MGAM2: variants seen among roughly 807,000 people sequenced by gnomAD.
The protein encoded by MGAM2 is maltase-glucoamylase 2 (putative).
In MGAM2, 98 loss-of-function variants were observed where a neutral mutation model predicts 96.1. That is an observed-to-expected ratio of 1.02 (90% CI 0.87 to 1.21). The LOEUF (loss-of-function observed/expected upper bound fraction) is 1.21. MGAM2 is among the 50% of genes most tolerant of loss of function. MGAM2 has a pLI of 0.00. For synonymous variants in MGAM2, 749 were observed against 414.8 expected, an observed-to-expected ratio of 1.81 and a Z score of -9.79; for missense variants, 2,055 against 1,182.4, an observed-to-expected ratio of 1.74 and a Z score of -10.82.
At chr7:142,198,014 C>T in intron 42 of MGAM2, 125 bp from the exon 43 acceptor site, 1 of 590,808 alleles carries the variant, frequency 1.7e-6, no homozygotes, top group East Asian at 2.8e-5. Flanking sequence ...TTAATAAAAT[C>T]CCTCAAATTA....
chr7:142,188,418 C>G lies in MGAM2; in HGVS notation c.4207+584C>G, dbSNP rs1187715124. Among the ~76,000 whole-genome samples the G allele has an allele frequency of 3.9e-5, 6 of 152,068 alleles. No homozygotes were observed. In the South Asian group the frequency reaches 8.3e-4, roughly 21 times the overall value. Reference sequence around the variant, plus strand: ...CCAGGAGTTTGAGTCTTGAGACCAGCCTGGGCAACATAGTGAGACCCATAA... The same window carrying G: ...CCAGGAGTTTGAGTCTTGAGACCAGGCTGGGCAACATAGTGAGACCCATAA... On this transcript the variant is annotated intron_variant, in intron 36 of 47. Transcript: ENST00000477922.
intron 15 of MGAM2, among the ~76,000 whole-genome samples, chr7:142,149,487 A>C (rs57973077): frequency 0.92 from 140,756 of 152,250 alleles, 66,055 homozygotes; most frequent in East Asian, 1. Context: ...TGAGATGTTT[A>C]CCTAATTTTT....
At chr7:142,202,418 G>A (rs1797267384) in intron 45 of MGAM2, among the ~76,000 whole-genome samples, 2 of 152,128 alleles carry the variant, frequency 1.3e-5, no homozygotes, top group Non-Finnish European at 2.9e-5. Flanking sequence ...CGTCACCCAG[G>A]CAGTGAGCAT....
chr7:142,149,572 G>A lies in MGAM2; in HGVS notation c.1634+1999G>A, dbSNP rs145674868. Among the ~76,000 whole-genome samples the A allele has an allele frequency of 2.2e-3, 335 of 151,174 alleles. 4 individuals are homozygous for A. In the South Asian group the frequency reaches 0.048, roughly 22 times the overall value. On this transcript the variant is annotated intron_variant, in intron 15 of 47. Transcript: ENST00000477922. Reference sequence around the variant, plus strand: ...TGTTTTTTTTTTGAGACGGAGTCTCGCTCTGTCGCCCAGGCTGGAGTGCAG... The same window carrying A: ...TGTTTTTTTTTTGAGACGGAGTCTCACTCTGTCGCCCAGGCTGGAGTGCAG...
intron 21 of MGAM2, 128 bp downstream of exon 21, chr7:142,160,386 C>T (rs1252249891): frequency 1.8e-6 from 1 of 562,954 alleles, no homozygotes; most frequent in African/African-American, 1.9e-5. Context: ...AATCTTCCCC[C>T]ACTCCTTTCA....
At chr7:142,201,075 T>TTTTC (rs1563291876) in intron 45 of MGAM2, among the ~76,000 whole-genome samples, 1 of 120,326 alleles carries the variant, frequency 8.3e-6, no homozygotes, top group African/African-American at 3.5e-5. Context: ...CTTTTTCTTT[T>TTTTC]TTTTTTCTTT....
rs1449921221 is a variant in MGAM2 at position 142,158,261 on chromosome 7, T to G, written c.2092T>G (p.Ser698Ala). ...CCTCTTTACTAGGTTCTACCAGGAC[T>G]CAGCCACGTGGGATGTGCATGAGCA... is the stretch of plus-strand genomic sequence containing the variant. The part of the protein sequence containing the change: ...RPLVHEFYQD[S>A]ATWDVHEQFL... Residue 698 changes from serine (S) to alanine (A), a missense_variant, in exon 19 of 48, where the codon TCA (serine) becomes GCA (alanine). Physicochemically the swap from Ser to Ala is moderately conservative, Grantham distance 99. Coordinates refer to ENST00000477922, the MANE Select transcript of MGAM2 (RefSeq NM_001293626.2). 1 of 702,886 alleles carries G rather than the reference T, an allele frequency of 1.4e-6. No homozygotes were observed. The highest frequency in any genetic ancestry group is 2.6e-6 in the Non-Finnish European group (1 of 385,008). The allele number at this position is 702,886 out of a possible 1,614,324, so 43.5% of individuals were successfully genotyped here.
Position 142,120,342 on chromosome 7 carries a change from G to A in MGAM2, c.147G>A (p.Ser49=), listed in dbSNP as rs1017339964. ...CAGAGTGCCCAGAGATTCCCCAGTCGGAAAGGATAGACTGCACACCTGACC... is the reference window on the plus strand; with the variant it reads ...CAGAGTGCCCAGAGATTCCCCAGTCAGAAAGGATAGACTGCACACCTGACC... ...FTPECPEIPQ[S]ERIDCTPDQE... Residue 49 remains serine (S), a synonymous_variant, in exon 3 of 48, where the codon TCG becomes TCA. Transcript: ENST00000477922. 3.0e-5 allele frequency: 21 copies of A among 703,036 alleles called. No individual in the cohort carries two copies. The highest frequency in any genetic ancestry group is 2.1e-4 in the African/African-American group (12 of 57,324). 43.5% of individuals were successfully genotyped at this position (703,036 alleles called of 1,614,324 possible). A position where few individuals can be genotyped will look rare whatever the true frequency, so the allele number is the denominator to read the frequency against.
intron 45 of MGAM2, among the ~76,000 whole-genome samples, chr7:142,207,436 A>AT (rs1003864873): frequency 4.0e-5 from 6 of 151,680 alleles, no homozygotes; most frequent in African/African-American, 1.5e-4. Flanking sequence ...ATTTTTATTT[A>AT]TTTTTTTGAG....
chr7:142,120,917 T>C (rs971130109), intron 3 of MGAM2, among the ~76,000 whole-genome samples: 1 of 152,200 alleles, frequency 6.6e-6, no homozygotes, highest in East Asian at 1.9e-4. Context: ...CAGAGTAGCT[T>C]CCATAAAATA....
chr7:142,201,595 G>T (rs745552163), intron 45 of MGAM2, among the ~76,000 whole-genome samples: 17 of 152,136 alleles, frequency 1.1e-4, no homozygotes, highest in Non-Finnish European at 1.8e-4. Context: ...AACCCTGAAA[G>T]TTCGCCTTTT....
intron 14 of MGAM2, among the ~76,000 whole-genome samples, chr7:142,145,724 AGACCTTT>A (rs937679496): frequency 1.5e-4 from 23 of 152,154 alleles, no homozygotes; most frequent in African/African-American, 5.6e-4. Flanking sequence ...ATCTCCTCAG[AGACCTTT>A]GTTTCTGGCT....
At position 142,161,937 on chromosome 7, in the gene MGAM2, C is replaced by T. The variant is rs1052611580; in HGVS notation, c.2435-18C>T. The T allele has an allele frequency of 1.5e-5, 10 of 687,776 alleles. No homozygotes were observed. The highest frequency in any genetic ancestry group is 2.4e-5 in the Non-Finnish European group (9 of 379,352). 42.6% of individuals were successfully genotyped at this position (687,776 alleles called of 1,614,324 possible). A position where few individuals can be genotyped will look rare whatever the true frequency, so the allele number is the denominator to read the frequency against. On this transcript the variant is annotated intron_variant, in intron 22 of 47. Transcript: ENST00000477922. ...GATTGGCTTCCCATAGTAACCGGTACTCCTCTTTCTTTTTTAGATGCTGTG... is the reference window on the plus strand; with the variant it reads ...GATTGGCTTCCCATAGTAACCGGTATTCCTCTTTCTTTTTTAGATGCTGTG...
At chr7:142,119,019 G>C (rs1303325277) in intron 2 of MGAM2, among the ~76,000 whole-genome samples, 1 of 152,082 alleles carries the variant, frequency 6.6e-6, no homozygotes, top group Non-Finnish European at 1.5e-5. Flanking sequence ...AAAACTTTGT[G>C]CTTTGAAGCA....
intron 6 of MGAM2, among the ~76,000 whole-genome samples, chr7:142,133,042 G>T (rs1794947775): frequency 3.1e-5 from 4 of 127,676 alleles, no homozygotes; most frequent in East Asian, 2.3e-4. Flanking sequence ...ATTATATTTA[G>T]TTTTAATTTA....
At chr7:142,147,650 T>A in intron 15 of MGAM2, 77 bp downstream of exon 15, 2 of 597,950 alleles carry the variant, frequency 3.3e-6, no homozygotes, top group South Asian at 4.2e-5. Context: ...TTCTGTTCTA[T>A]ATGTAATATA....
rs533877725 is a variant in MGAM2, at chr7:142,141,826, T to C, written c.1317+707T>C. On this transcript the variant is annotated intron_variant, in intron 12 of 47. Transcript: ENST00000477922. ...ATATTTTAAATTTACACAAGACTTA[T>C]AGATAGAGCATAGTTTTGATTCTGA... Among the ~76,000 whole-genome samples the C allele has an allele frequency of 3.9e-5, 6 of 152,258 alleles. No homozygotes were observed. In the East Asian group the frequency reaches 9.6e-4, roughly 24 times the overall value.
At chr7:142,200,587 G>A (rs903274168) in intron 45 of MGAM2, among the ~76,000 whole-genome samples, 3 of 152,150 alleles carry the variant, frequency 2.0e-5, no homozygotes, top group East Asian at 1.9e-4. Context: ...TGGACACACT[G>A]TTACTAGCTG....
intron 45 of MGAM2, among the ~76,000 whole-genome samples, chr7:142,200,453 A>T (rs1797185308): frequency 6.6e-6 from 1 of 152,208 alleles, no homozygotes; most frequent in Non-Finnish European, 1.5e-5. Context: ...ACTTACATCG[A>T]TGAAATATTA....
Sources: gnomAD v4.1 joint callset for allele counts (sites outside exome capture counted in the v4.1 genomes callset) on GRCh38, gnomAD v4.1.1 for gene constraint, MANE v1.5 for transcripts, NCBI Gene and HGNC (gene_info 2026-07-23, HGNC 2026-07-21) for gene names.